Variants in ACBD6 observed in about 807,000 individuals in gnomAD.
ACBD6 encodes acyl-CoA binding domain containing 6, also known as acyl-CoA-binding domain-containing protein 6.
In ACBD6, 28 loss-of-function variants were observed where a neutral mutation model predicts 37.2. That is an observed-to-expected ratio of 0.75 (90% CI 0.56 to 1.03). The LOEUF is 1.03. Among genes scored for constraint, ACBD6 ranks in the 50% least tolerant of loss-of-function variants. The probability of loss-of-function intolerance (pLI) is 0.00; values close to 1 mark genes in which losing one functional copy is unlikely to be tolerated. For synonymous variants in ACBD6, 113 were observed against 126.8 expected, an observed-to-expected ratio of 0.89 and a Z score of 0.73; for missense variants, 340 against 337.4, an observed-to-expected ratio of 1.01 and a Z score of -0.06.
intron 6 of ACBD6, among the ~76,000 whole-genome samples, chr1:180,393,047 G>A (rs1654134227): frequency 6.6e-6 from 1 of 152,010 alleles, no homozygotes; most frequent in African/African-American, 2.4e-5. Flanking sequence ...CTTTCTTCAG[G>A]GCTTGAAAAA....
At chr1:180,298,691 A>T (rs750532766) in intron 7 of ACBD6, among the ~76,000 whole-genome samples, 6 of 152,202 alleles carry the variant, frequency 3.9e-5, no homozygotes, top group Non-Finnish European at 8.8e-5. Context: ...AGGTCTAACT[A>T]TAATGTGAGA....
chr1:180,278,511 G>GAGAC (rs1649179777), intron 9 of ACBD6: 1 of 152,062 alleles, frequency 6.6e-6, no homozygotes, highest in Non-Finnish European at 1.5e-5. Context: ...CTCTGGTAAG[G>GAGAC]AGACAGCTGC....
chr1:180,367,371 C>A (rs143349906), intron 6 of ACBD6, among the ~76,000 whole-genome samples: 77 of 152,170 alleles, frequency 5.1e-4, no homozygotes, highest in African/African-American at 1.8e-3. Flanking sequence ...GAGGGGGATA[C>A]ATTTCTTTCC....
In ACBD6 at chr1:180,377,983, A is replaced by AATG. The variant is rs1553300272; in HGVS notation, c.663+19532_663+19533insCAT. Among the ~76,000 whole-genome samples the AATG allele has an allele frequency of 5.3e-5, 8 of 149,862 alleles. No homozygotes were observed. In the East Asian group the frequency reaches 7.8e-4, roughly 15 times the overall value. ...TAATAATAATAATAATAATAATAAT[A>AATG]GCCATAAGTTTGAGGAGAAACAGGA... On this transcript the variant is annotated intron_variant, in intron 6 of 7. Transcript: ENST00000367595.
Position 180,502,088 on chromosome 1 carries a change from G to A in ACBD6, c.179C>T (p.Ala60Val). Reference protein sequence around the residue: ...AAHLQGLIQVASREQLLYLYA... With the variant: ...AAHLQGLIQVVSREQLLYLYA... ...CAGGTACAAGAGCTGCTCCCTGCTG[G>A]CCACCTGAATCAGGCCTTGCAGGTG... Residue 60 changes from alanine (A) to valine (V), a missense_variant, in exon 1 of 8, where the codon GCC becomes GTC. Ala to Val is a moderately conservative substitution (Grantham distance 64). Coordinates refer to ENST00000367595, the MANE Select transcript of ACBD6 (RefSeq NM_032360.4). The A allele has an allele frequency of 6.2e-7, 1 of 1,613,692 alleles. No individual in the cohort carries two copies. Among genetic ancestry groups the A allele is most frequent in the Non-Finnish European group, 8.5e-7 (1 of 1,179,870 alleles).
intron 3 of ACBD6, among the ~76,000 whole-genome samples, chr1:180,448,366 T>C (rs1649556371): frequency 6.6e-6 from 1 of 152,218 alleles, no homozygotes; most frequent in Non-Finnish European, 1.5e-5. Flanking sequence ...AAATTTAATG[T>C]TCTTAAATTT....
chr1:180,413,302 G>C, intron 5 of ACBD6, 64 bp downstream of exon 5: 1 of 1,269,972 alleles, frequency 7.9e-7, no homozygotes, highest in African/African-American at 1.5e-5. Context: ...TACCATTTAG[G>C]AAAAGGCACT....
At chr1:180,479,776 C>A (rs916119529) in intron 3 of ACBD6, among the ~76,000 whole-genome samples, 2 of 151,874 alleles carry the variant, frequency 1.3e-5, no homozygotes, top group African/African-American at 4.8e-5. Flanking sequence ...TTGCTTGAGT[C>A]CAGGAGTTCG....
At chr1:180,416,044 C>A (rs1648080629) in intron 4 of ACBD6, among the ~76,000 whole-genome samples, 1 of 152,106 alleles carries the variant, frequency 6.6e-6, no homozygotes, top group Middle Eastern at 3.4e-3. Flanking sequence ...AAGAGAAGTT[C>A]AATAAATTCG....
chr1:180,430,363 AT>A, intron 3 of ACBD6, 101 bp from the exon 4 acceptor site: 1 of 1,009,258 alleles, frequency 9.9e-7, no homozygotes, highest in Non-Finnish European at 1.5e-6. Flanking sequence ...AAGACTAAGG[AT>A]TTTACCCTCA....
chr1:180,291,944 C>A (rs1649724878), intron 7 of ACBD6, among the ~76,000 whole-genome samples: 1 of 152,164 alleles, frequency 6.6e-6, no homozygotes, highest in Non-Finnish European at 1.5e-5. Context: ...AGTCTTCCCT[C>A]CACTGAATTT....
chr1:180,501,687 T>C (rs1471925355), intron 1 of ACBD6, among the ~76,000 whole-genome samples: 1 of 152,332 alleles, frequency 6.6e-6, no homozygotes, highest in East Asian at 1.9e-4. Context: ...TTACCGTATT[T>C]ACTTCCATGT....
intron 8 of ACBD6, among the ~76,000 whole-genome samples, chr1:180,281,937 G>T (rs2149273724): frequency 6.6e-6 from 1 of 152,312 alleles, no homozygotes; most frequent in South Asian, 2.1e-4. Context: ...CTCAGAGAAA[G>T]CAGACGTGGG....
chr1:180,389,913 G>A (rs926127135), intron 6 of ACBD6, among the ~76,000 whole-genome samples: 18 of 152,120 alleles, frequency 1.2e-4, no homozygotes, highest in Non-Finnish European at 2.5e-4. Context: ...CCCTTTGTCA[G>A]ATGAGTAGGT....
chr1:180,292,085 T>C (rs2149278624), intron 7 of ACBD6, among the ~76,000 whole-genome samples: 1 of 152,336 alleles, frequency 6.6e-6, no homozygotes, highest in South Asian at 2.1e-4. Context: ...TTCTGTACTT[T>C]ATAGTAAGTC....
chr1:180,444,279 G>C (rs563140195), intron 3 of ACBD6, among the ~76,000 whole-genome samples: 1 of 141,666 alleles, frequency 7.1e-6, no homozygotes, highest in South Asian at 2.2e-4. Context: ...GTGAGATTCC[G>C]TCTCTCCAAA....
chr1:180,502,204 T>G lies in ACBD6; in HGVS notation c.63A>C (p.Ser21=). 1 of 1,613,932 alleles carries G rather than the reference T, an allele frequency of 6.2e-7. No individual in the cohort carries two copies. The change falls in exon 1 of 8, where the codon TCA becomes TCC. Residue 21 remains serine (S), a synonymous_variant. Coordinates refer to ENST00000367595, the MANE Select transcript of ACBD6 (RefSeq NM_032360.4). The part of the protein sequence containing the change: ...ITGDSGGELS[S]GDDSGEVEFP... ...ACTCCACCTCCCCGGAGTCGTCCCC[T>G]GAGCTCAGCTCTCCACCGCTGTCGC...
intron 5 of ACBD6, among the ~76,000 whole-genome samples, chr1:180,411,779 C>A (rs1384852422): frequency 6.6e-6 from 1 of 152,128 alleles, no homozygotes; most frequent in Non-Finnish European, 1.5e-5. Flanking sequence ...GTTTCTCCTA[C>A]TGCAGCCTCC....
intron 6 of ACBD6, among the ~76,000 whole-genome samples, chr1:180,394,028 C>G (rs1471574635): frequency 6.6e-6 from 1 of 152,212 alleles, no homozygotes; most frequent in Admixed American, 6.5e-5. Context: ...AAACCTCAGG[C>G]AATGCCTAAC....
Sources: allele counts gnomAD v4.1 joint callset (sites outside exome capture counted in the v4.1 genomes callset), GRCh38; gene constraint gnomAD v4.1.1; transcripts MANE v1.5; gene names NCBI Gene and HGNC (gene_info 2026-07-23, HGNC 2026-07-21).